KIF16B: variants seen among roughly 807,000 people sequenced by gnomAD.
The protein encoded by KIF16B is kinesin-like protein KIF16B.
A neutral mutation model predicts 156.3 loss-of-function variants in KIF16B; 98 were observed. That is an observed-to-expected ratio of 0.63 (90% CI 0.53 to 0.74). The LOEUF is 0.74. Ranked by LOEUF, KIF16B falls within the 30% of genes least tolerant of loss-of-function variation. KIF16B has a pLI of 0.00. For missense variants in KIF16B, 1,421 were observed against 1,606.5 expected (o/e 0.88, Z 1.97); for synonymous variants, 564 against 583.7 (o/e 0.97, Z 0.49).
At chr20:16,292,833 A>G (rs1460097646) in intron 25 of KIF16B, among the ~76,000 whole-genome samples, 3 of 152,252 alleles carry the variant, frequency 2.0e-5, no homozygotes, top group Non-Finnish European at 2.9e-5. Context: ...TATTTCAGGA[A>G]GCAAGAAGTT....
At chr20:16,501,698 A>G (rs1488299785) in intron 10 of KIF16B, among the ~76,000 whole-genome samples, 1 of 152,210 alleles carries the variant, frequency 6.6e-6, no homozygotes, top group Non-Finnish European at 1.5e-5. Flanking sequence ...ATGCAACAGC[A>G]TGGGTGACTC....
intron 1 of KIF16B, among the ~76,000 whole-genome samples, chr20:16,528,655 A>T (rs1268259308): frequency 6.6e-6 from 1 of 152,208 alleles, no homozygotes; most frequent in Non-Finnish European, 1.5e-5. Context: ...TGGCTGATAC[A>T]CAGTGTGTTG....
chr20:16,567,877 G>A (rs932790337), intron 1 of KIF16B, among the ~76,000 whole-genome samples: 2 of 152,148 alleles, frequency 1.3e-5, no homozygotes, highest in Non-Finnish European at 2.9e-5. Context: ...GCATGAACCC[G>A]GGAGGCGGAG....
chr20:16,285,904 C>G (rs535264000), intron 25 of KIF16B, among the ~76,000 whole-genome samples: 1 of 152,312 alleles, frequency 6.6e-6, no homozygotes, highest in African/African-American at 2.4e-5. Flanking sequence ...CAAGCAGGTA[C>G]ATAAGCAACA....
At chr20:16,440,832 C>A (rs748517137) in intron 12 of KIF16B, among the ~76,000 whole-genome samples, 4 of 152,166 alleles carry the variant, frequency 2.6e-5, no homozygotes, top group Non-Finnish European at 5.9e-5. Context: ...AAATGCCAAA[C>A]AGCTAAGTGT....
chr20:16,434,092 T>C (rs1484150068), intron 12 of KIF16B, among the ~76,000 whole-genome samples: 3 of 152,172 alleles, frequency 2.0e-5, no homozygotes, highest in Admixed American at 6.5e-5. Flanking sequence ...CTGACTAAAA[T>C]TGTCAAAACG....
intron 10 of KIF16B, among the ~76,000 whole-genome samples, chr20:16,501,284 A>AATACCAAGAATTGAATTCTTGGTTCG (rs2068614858): frequency 2.0e-5 from 1 of 48,884 alleles, no homozygotes; most frequent in African/African-American, 5.2e-5. Flanking sequence ...TTCTTGGTTC[A>AATACCAAGAATTGAATTCTTGGTTCG]ATACCAAGAA....
chr20:16,523,380 T>C (rs1245860667), intron 3 of KIF16B, among the ~76,000 whole-genome samples: 1 of 152,164 alleles, frequency 6.6e-6, no homozygotes, highest in Non-Finnish European at 1.5e-5. Context: ...AGCATTCCTA[T>C]ACACCAATAA....
chr20:16,335,379 C>T (rs990841079), intron 24 of KIF16B, among the ~76,000 whole-genome samples: 1 of 152,158 alleles, frequency 6.6e-6, no homozygotes, highest in East Asian at 1.9e-4. Context: ...TGTATTAATA[C>T]CCTCTGGATA....
At chr20:16,495,379 C>A (rs2068419967) in intron 11 of KIF16B, among the ~76,000 whole-genome samples, 1 of 152,152 alleles carries the variant, frequency 6.6e-6, no homozygotes, top group South Asian at 2.1e-4. Flanking sequence ...AGCATAGTAA[C>A]TGGAAAGGGT....
intron 24 of KIF16B, among the ~76,000 whole-genome samples, chr20:16,315,172 C>T (rs1415681677): frequency 6.6e-5 from 10 of 152,146 alleles, no homozygotes; most frequent in Non-Finnish European, 1.5e-4. Flanking sequence ...TCAACAGTGG[C>T]GTTCCCTCTC....
chr20:16,301,870 G>A (rs925566078), intron 25 of KIF16B, among the ~76,000 whole-genome samples: 7 of 152,032 alleles, frequency 4.6e-5, no homozygotes, highest in African/African-American at 1.2e-4. Context: ...GGCTGGTCTC[G>A]AACTCCTGAC....
At chr20:16,440,628 C>T (rs561049018) in intron 12 of KIF16B, among the ~76,000 whole-genome samples, 4 of 149,952 alleles carry the variant, frequency 2.7e-5, no homozygotes, top group South Asian at 4.2e-4. Context: ...CAGGACTCAC[C>T]AGGGCAGAAT....
intron 1 of KIF16B, among the ~76,000 whole-genome samples, chr20:16,556,703 T>G (rs547655606): frequency 6.6e-6 from 1 of 152,192 alleles, no homozygotes; most frequent in East Asian, 1.9e-4. Context: ...CCATTGCATG[T>G]TCCAGGCATG....
intron 9 of KIF16B, 149 bp downstream of exon 9, chr20:16,505,573 T>C (rs1392304789): frequency 6.0e-6 from 4 of 664,868 alleles, no homozygotes; most frequent in East Asian, 5.5e-5. Flanking sequence ...AGCAGGATCA[T>C]AGGAGGTGAT....
At chr20:16,413,081 C>A (rs972714593) in intron 15 of KIF16B, among the ~76,000 whole-genome samples, 3 of 151,970 alleles carry the variant, frequency 2.0e-5, no homozygotes, top group Non-Finnish European at 4.4e-5. Flanking sequence ...AAATTCTTGT[C>A]AACCATGAAC....
chr20:16,447,184 C>A (rs1488064989), intron 12 of KIF16B, among the ~76,000 whole-genome samples: 9 of 152,106 alleles, frequency 5.9e-5, no homozygotes, highest in Non-Finnish European at 2.9e-5. Context: ...AGAACATCTG[C>A]ACTTTAAGTT....
chr20:16,292,694 G>A (rs1048598774), intron 25 of KIF16B, among the ~76,000 whole-genome samples: 10 of 152,148 alleles, frequency 6.6e-5, no homozygotes, highest in Non-Finnish European at 1.5e-4. Context: ...GTGGGCATGA[G>A]ACAGACAGTG....
intron 1 of KIF16B, among the ~76,000 whole-genome samples, chr20:16,556,780 C>T (rs565751432): frequency 9.6e-4 from 146 of 152,322 alleles, no homozygotes; most frequent in African/African-American, 3.2e-3. Context: ...GATATTCCCA[C>T]GGTTCATTAC....
Sources: allele counts gnomAD v4.1 joint callset (sites outside exome capture counted in the v4.1 genomes callset), GRCh38; gene constraint gnomAD v4.1.1; transcripts MANE v1.5; gene names NCBI Gene and HGNC (gene_info 2026-07-23, HGNC 2026-07-21).